The following KAZN variants were observed in gnomAD, a reference collection of about 807,000 sequenced individuals.
KAZN encodes kazrin, periplakin interacting protein.
In KAZN, 40 loss-of-function variants were observed where a neutral mutation model predicts 87.4. The observed-to-expected ratio is 0.46, with a 90% CI of 0.36 to 0.60. KAZN has a LOEUF of 0.60. Ranked by LOEUF, KAZN falls within the 20% of genes least tolerant of loss-of-function variation. The pLI, the probability that KAZN is intolerant of heterozygous loss-of-function variation, is 0.00. For missense variants in KAZN, 898 were observed against 1,073.9 expected (o/e 0.84, Z 2.29); for synonymous variants, 466 against 458.3 (o/e 1.02, Z -0.22).
intron 2 of KAZN, among the ~76,000 whole-genome samples, chr1:14,987,624 A>G (rs12754000): frequency 0.29 from 44,330 of 152,066 alleles, 6,779 homozygotes; most frequent in South Asian, 0.4. Flanking sequence ...AGCTTCGCGT[A>G]TGTTGGGGAC....
intron 1 of KAZN, among the ~76,000 whole-genome samples, chr1:14,099,881 A>T (rs144618539): frequency 6.6e-6 from 1 of 152,196 alleles, no homozygotes; most frequent in Admixed American, 6.5e-5. Flanking sequence ...GGACAGTGCA[A>T]GCGATGAGCA....
intron 1 of KAZN, among the ~76,000 whole-genome samples, chr1:13,950,599 G>A (rs559561206): frequency 2.0e-4 from 31 of 152,004 alleles, no homozygotes; most frequent in African/African-American, 7.5e-4. Context: ...GGGATTTTTA[G>A]TAAAGATACA....
At chr1:14,240,195 C>T (rs1648813378) in intron 2 of KAZN, among the ~76,000 whole-genome samples, 1 of 152,212 alleles carries the variant, frequency 6.6e-6, no homozygotes, top group Admixed American at 6.5e-5. Context: ...ACAAAACTCA[C>T]AGATCTCAGC....
chr1:14,568,295 C>T (rs1267761711), intron 2 of KAZN, among the ~76,000 whole-genome samples: 1 of 152,164 alleles, frequency 6.6e-6, no homozygotes, highest in Non-Finnish European at 1.5e-5. Flanking sequence ...ATTCTGCCAA[C>T]AATCACGTCA....
intron 1 of KAZN, among the ~76,000 whole-genome samples, chr1:14,144,850 C>A (rs1489757514): frequency 6.6e-6 from 1 of 152,068 alleles, no homozygotes; most frequent in African/African-American, 2.4e-5. Flanking sequence ...CAGGAACTAA[C>A]ACAGTGAGAA....
chr1:14,419,829 C>G (rs1038422320), intron 2 of KAZN, among the ~76,000 whole-genome samples: 1 of 152,020 alleles, frequency 6.6e-6, no homozygotes, highest in South Asian at 2.1e-4. Flanking sequence ...TCGCTGGTCT[C>G]GGAAGTGAAG....
intron 2 of KAZN, among the ~76,000 whole-genome samples, chr1:14,970,769 G>C (rs978479269): frequency 6.6e-6 from 1 of 152,176 alleles, no homozygotes; most frequent in African/African-American, 2.4e-5. Flanking sequence ...CAACGGAAAG[G>C]CTGGTCTGTT....
chr1:14,418,815 TCA>T (rs1232021107), intron 2 of KAZN, among the ~76,000 whole-genome samples: 2 of 152,198 alleles, frequency 1.3e-5, no homozygotes, highest in East Asian at 1.9e-4. Context: ...AGAGAATCCC[TCA>T]GAGTCTTGTG....
Position 15,066,905 on chromosome 1 carries a change from ATATT to A in KAZN, c.1222+1160_1222+1163del. Reference sequence around the variant, plus strand: ...GAGCTCCCTCCAGGCCTTTCTCTATATATTTATTTATCTGACATACAGAACACGA... The same window carrying A: ...GAGCTCCCTCCAGGCCTTTCTCTATATATTTATCTGACATACAGAACACGA... On this transcript the variant is annotated intron_variant, in intron 8 of 14. Transcript: ENST00000376030. This position sits in a 1 kb window ranked among gnomAD's most constrained non-coding sequence, Gnocchi z 4.3. 2.0e-6 allele frequency: 2 copies of A among 985,234 alleles called. No homozygotes were observed. The highest frequency in any genetic ancestry group is 2.4e-6 in the Non-Finnish European group (2 of 829,910). 61.0% of individuals were successfully genotyped at this position (985,234 alleles called of 1,614,324 possible). A position where few individuals can be genotyped will look rare whatever the true frequency, so the allele number is the denominator to read the frequency against.
At chr1:14,511,004 CTTGGTGGCCA>C (rs1454887263) in intron 2 of KAZN, among the ~76,000 whole-genome samples, 2 of 151,818 alleles carry the variant, frequency 1.3e-5, no homozygotes, top group African/African-American at 2.4e-5. Flanking sequence ...CATGATTAAT[CTTGGTGGCCA>C]TTGGTGATCC....
intron 2 of KAZN, among the ~76,000 whole-genome samples, chr1:14,204,650 A>G (rs990734449): frequency 1.3e-5 from 2 of 152,236 alleles, no homozygotes; most frequent in Non-Finnish European, 2.9e-5. Flanking sequence ...AAAAGGTGAC[A>G]AATGTAAAGA....
intron 2 of KAZN, among the ~76,000 whole-genome samples, chr1:14,538,520 T>C (rs966338333): frequency 2.0e-5 from 3 of 152,194 alleles, no homozygotes; most frequent in Non-Finnish European, 2.9e-5. Context: ...GGAGAAATGC[T>C]GTCCTCACAT....
At position 14,418,955 on chromosome 1, in the gene KAZN, C is replaced by G. The variant is rs181966821; in HGVS notation, c.250-180028C>G. 9.2e-5 allele frequency among the ~76,000 whole-genome samples: 14 copies of G among 152,310 alleles called. No individual in the cohort carries two copies. The East Asian group carries it at 2.7e-3, about 29-fold the overall frequency. On this transcript the variant is annotated intron_variant, in intron 2 of 16. Coordinates refer to the KAZN transcript ENST00000636203. ...GACCACCTCGGCACCCAGAAACTGT[C>G]CCCCTGTGAACTCTTGTCTGAAAAC... is the stretch of plus-strand genomic sequence containing the variant.
At chr1:14,579,429 C>T (rs909088242) in intron 2 of KAZN, among the ~76,000 whole-genome samples, 12 of 151,900 alleles carry the variant, frequency 7.9e-5, no homozygotes, top group East Asian at 1.9e-4. Context: ...ATTGAGACCA[C>T]CCTGGCTAAC....
chr1:13,906,579 G>A (rs753066202), intron 1 of KAZN, among the ~76,000 whole-genome samples: 1 of 152,170 alleles, frequency 6.6e-6, no homozygotes, highest in Non-Finnish European at 1.5e-5. Context: ...TTGTCTCTTG[G>A]CTTCCATATA....
At chr1:14,267,626 A>G (rs1327674482) in intron 2 of KAZN, among the ~76,000 whole-genome samples, 5 of 151,232 alleles carry the variant, frequency 3.3e-5, no homozygotes, top group African/African-American at 1.2e-4. Context: ...GGAAAACTAT[A>G]ATATAACATA....
chr1:14,999,730 G>A (rs983931104), intron 2 of KAZN, among the ~76,000 whole-genome samples: 7 of 152,220 alleles, frequency 4.6e-5, no homozygotes, highest in Non-Finnish European at 5.9e-5. Context: ...TCTGCTCTTC[G>A]AGGAATGCGC....
chr1:14,183,267 G>A (rs1646236116), intron 2 of KAZN, among the ~76,000 whole-genome samples: 1 of 152,148 alleles, frequency 6.6e-6, no homozygotes, highest in African/African-American at 2.4e-5. Flanking sequence ...CATCTCCCAA[G>A]TATAATGGGG....
chr1:14,362,579 C>T (rs1329332912), intron 2 of KAZN, among the ~76,000 whole-genome samples: 1 of 152,204 alleles, frequency 6.6e-6, no homozygotes, highest in Non-Finnish European at 1.5e-5. Context: ...GAGACTGTCT[C>T]ACTGCCAGAG....
Sources: allele counts gnomAD v4.1 joint callset (sites outside exome capture counted in the v4.1 genomes callset), GRCh38; gene constraint gnomAD v4.1.1; non-coding constraint Gnocchi (gnomAD v3.1); transcripts MANE v1.5; gene names NCBI Gene and HGNC (gene_info 2026-07-23, HGNC 2026-07-21).